Variants in POFUT4 observed in about 807,000 individuals in gnomAD.
POFUT4 encodes GDP-fucose protein O-fucosyltransferase 4.
At chr10:73,776,524 T>C in the POFUT4 span, among the ~76,000 whole-genome samples, 4 of 151,812 alleles carry the variant, frequency 2.6e-5, no homozygotes, top group Non-Finnish European at 5.9e-5. Context: ...CTCTAAAAAA[T>C]AAAAGAATTA....
the POFUT4 span, chr10:73,773,772 A>G: frequency 1.3e-6 from 2 of 1,598,748 alleles, no homozygotes; most frequent in Admixed American, 1.7e-5. Flanking sequence ...CCCAGTGCCC[A>G]CACCTGGCTT....
the POFUT4 span, chr10:73,772,816 C>A: frequency 6.2e-7 from 1 of 1,612,050 alleles, no homozygotes; most frequent in Non-Finnish European, 8.5e-7. Context: ...ACGGCCCGGG[C>A]ATCCGCCTCT....
chr10:73,776,814 G>A, the POFUT4 span, among the ~76,000 whole-genome samples: 2 of 152,112 alleles, frequency 1.3e-5, no homozygotes, highest in African/African-American at 4.8e-5. Flanking sequence ...TGAGTAGCTG[G>A]GACTACAGGC....
the POFUT4 span, chr10:73,774,539 A>G: frequency 6.6e-6 from 1 of 152,164 alleles, no homozygotes; most frequent in Non-Finnish European, 1.5e-5. Flanking sequence ...TCTCTGTACA[A>G]TTTAAAAACT....
the POFUT4 span, among the ~76,000 whole-genome samples, chr10:73,778,035 A>G: frequency 7.0e-6 from 1 of 142,602 alleles, no homozygotes; most frequent in Non-Finnish European, 1.5e-5. Flanking sequence ...ATTTTTTTGT[A>G]TTTGTTTTAG....
the POFUT4 span, chr10:73,772,867 G>T: frequency 1.9e-6 from 3 of 1,612,126 alleles, no homozygotes; most frequent in African/African-American, 4.0e-5. Context: ...CGGATTACCC[G>T]CTGTCGCTGC....
the POFUT4 span, chr10:73,772,451 G>A: frequency 1.3e-6 from 2 of 1,562,004 alleles, no homozygotes; most frequent in Admixed American, 1.9e-5. Flanking sequence ...GGAGTGGGCG[G>A]AACCGTGGGA....
At chr10:73,775,058 G>T in the POFUT4 span, 1 of 226,596 alleles carries the variant, frequency 4.4e-6, no homozygotes, top group Non-Finnish European at 8.8e-6. Flanking sequence ...TGATTTACTA[G>T]AGGAAAAGTA....
chr10:73,780,211 T>C, the POFUT4 span: 2 of 152,092 alleles, frequency 1.3e-5, no homozygotes, highest in African/African-American at 2.4e-5. Context: ...TTTTCTATTA[T>C]CTCAGGTTTC....
At chr10:73,775,503 T>C in the POFUT4 span, 1 of 1,614,248 alleles carries the variant, frequency 6.2e-7, no homozygotes, top group Non-Finnish European at 8.5e-7. Flanking sequence ...ATAACTATGC[T>C]GCAGTTCCAT....
At chr10:73,776,742 T>C in the POFUT4 span, among the ~76,000 whole-genome samples, 19 of 152,240 alleles carry the variant, frequency 1.2e-4, no homozygotes, top group Non-Finnish European at 2.1e-4. Flanking sequence ...TGCAGTGGCA[T>C]GATCTCGGGT....
chr10:73,776,658 G>C, the POFUT4 span, among the ~76,000 whole-genome samples: 1 of 152,046 alleles, frequency 6.6e-6, no homozygotes, highest in Non-Finnish European at 1.5e-5. Flanking sequence ...CTCCAGCCTG[G>C]GTGACAGAGC....
the POFUT4 span, chr10:73,773,762 C>A: frequency 4.4e-6 from 7 of 1,606,048 alleles, no homozygotes; most frequent in Non-Finnish European, 6.0e-6. Context: ...ACATGGACTG[C>A]CCAGTGCCCA....
chr10:73,773,419 A>G, the POFUT4 span: 2 of 1,614,198 alleles, frequency 1.2e-6, no homozygotes, highest in South Asian at 1.1e-5. Context: ...TCTGTGAGGG[A>G]CTGGATGCCG....
At chr10:73,772,367 C>T in the POFUT4 span, 14 of 1,521,200 alleles carry the variant, frequency 9.2e-6, no homozygotes, top group Admixed American at 2.2e-5. Flanking sequence ...GGTGTTGGTC[C>T]TTCTAGGGGT....
chr10:73,775,468 C>T, the POFUT4 span: 4 of 1,613,700 alleles, frequency 2.5e-6, no homozygotes, highest in Non-Finnish European at 3.4e-6. Flanking sequence ...ATTTCTTTGG[C>T]CCCACTCGGA....
chr10:73,773,353 A>G, the POFUT4 span: 1 of 1,614,140 alleles, frequency 6.2e-7, no homozygotes, highest in South Asian at 1.1e-5. Flanking sequence ...TACATGACAG[A>G]AAAACTGTGG....
At chr10:73,774,357 G>T in the POFUT4 span, 20,822 of 152,128 alleles carry the variant, frequency 0.14, 1,488 homozygotes, top group South Asian at 0.19. Flanking sequence ...AGTTGGTGCA[G>T]GTGGGGACAC....
the POFUT4 span, among the ~76,000 whole-genome samples, chr10:73,777,667 G>GC: frequency 6.6e-6 from 1 of 151,402 alleles, no homozygotes; most frequent in South Asian, 2.1e-4. Context: ...TGATTCTCCT[G>GC]CCTCAGCCTC....
Sources: allele counts gnomAD v4.1 joint callset (sites outside exome capture counted in the v4.1 genomes callset), GRCh38; gene constraint gnomAD v4.1.1; transcripts MANE v1.5; gene names NCBI Gene and HGNC (gene_info 2026-07-23, HGNC 2026-07-21).